Variants in PEAK1 observed in about 807,000 individuals in gnomAD.
PEAK1 encodes pseudopodium enriched atypical kinase 1, also known as inactive tyrosine-protein kinase PEAK1.
Under a neutral mutation model 124.7 loss-of-function variants are expected in PEAK1, and 54 were observed. That is an observed-to-expected ratio of 0.43 (90% CI 0.35 to 0.54). The LOEUF (loss-of-function observed/expected upper bound fraction) is 0.54. Ranked by LOEUF, PEAK1 falls within the 20% of genes least tolerant of loss-of-function variation. The pLI is 0.01. For synonymous variants in PEAK1, 719 were observed against 760.0 expected, an observed-to-expected ratio of 0.95 and a Z score of 0.89; for missense variants, 2,046 against 2,134.5, an observed-to-expected ratio of 0.96 and a Z score of 0.82.
rs2062937368 is a variant in PEAK1, at chr15:77,286,494, G to A, written c.-592C>T. On this transcript the variant is annotated 5_prime_UTR_variant, in exon 3 of 10. Coordinates refer to ENST00000682557, the MANE Select transcript of PEAK1 (RefSeq NM_001385026.1). ...TTCTTTCCTTACAAATGGATCTCAA[G>A]TATTCTTTTCCTATTAGAAGATGCA... 1 of 1,227,140 alleles carries A rather than the reference G, an allele frequency of 8.1e-7. No homozygotes were observed. Among genetic ancestry groups the A allele is most frequent in the Non-Finnish European group, 1.0e-6 (1 of 984,026 alleles). The allele number at this position is 1,227,140 out of a possible 1,614,324, so 76.0% of individuals were successfully genotyped here. A position where few individuals can be genotyped will look rare whatever the true frequency, so the allele number is the denominator to read the frequency against.
intron 1 of PEAK1, among the ~76,000 whole-genome samples, chr15:77,383,522 A>G (rs1597533623): frequency 6.6e-6 from 1 of 152,294 alleles, no homozygotes; most frequent in African/African-American, 2.4e-5. Flanking sequence ...AAATCTTCCC[A>G]CTAGGGATTC....
intron 2 of PEAK1, among the ~76,000 whole-genome samples, chr15:77,342,405 CTTTTTT>C (rs35640042): frequency 1.7e-5 from 2 of 114,378 alleles, no homozygotes; most frequent in Non-Finnish European, 3.8e-5. Context: ...TACAGCATGT[CTTTTTT>C]TTTTTTTTTT....
chr15:77,209,249 T>C (rs1184889130), intron 6 of PEAK1, among the ~76,000 whole-genome samples: 1 of 152,306 alleles, frequency 6.6e-6, no homozygotes, highest in South Asian at 2.1e-4. Context: ...GATTTCCATA[T>C]ATGTACCTTC....
At chr15:77,321,625 T>G (rs1446767167) in intron 2 of PEAK1, among the ~76,000 whole-genome samples, 4 of 152,208 alleles carry the variant, frequency 2.6e-5, no homozygotes, top group Non-Finnish European at 4.4e-5. Context: ...ACTCTGATGG[T>G]AGCTTCTTTT....
At chr15:77,176,038 TG>T (rs2056843889) in intron 7 of PEAK1, among the ~76,000 whole-genome samples, 1 of 150,194 alleles carries the variant, frequency 6.7e-6, no homozygotes, top group Non-Finnish European at 1.5e-5. Context: ...TACTCATAGA[TG>T]GGAATTGAAC....
chr15:77,414,693 T>G (rs781543819), intron 1 of PEAK1, among the ~76,000 whole-genome samples: 1 of 152,224 alleles, frequency 6.6e-6, no homozygotes, highest in Non-Finnish European at 1.5e-5. Context: ...ATAAGGTAAA[T>G]AACAAAATTG....
chr15:77,370,811 A>T, intron 1 of PEAK1: 1 of 860,408 alleles, frequency 1.2e-6, no homozygotes, highest in Non-Finnish European at 1.4e-6. Flanking sequence ...GCAGGCGGAT[A>T]ATGAGGTCAG....
intron 1 of PEAK1, chr15:77,403,796 A>T (rs902940947): frequency 8.9e-5 from 87 of 977,988 alleles, no homozygotes; most frequent in African/African-American, 3.7e-4. Flanking sequence ...AACTCAATTT[A>T]AAAAAAAGCT....
chr15:77,387,495 T>G (rs1257685890), intron 1 of PEAK1, among the ~76,000 whole-genome samples: 17 of 152,246 alleles, frequency 1.1e-4, no homozygotes, highest in Admixed American at 1.1e-3. Context: ...TCACAGCTGA[T>G]GCTTTCAACT....
At chr15:77,241,144 T>A (rs1028219809) in intron 6 of PEAK1, among the ~76,000 whole-genome samples, 1 of 152,190 alleles carries the variant, frequency 6.6e-6, no homozygotes. Flanking sequence ...CACAACCAAG[T>A]GCGGTTCATC....
intron 2 of PEAK1, among the ~76,000 whole-genome samples, chr15:77,291,395 A>G (rs573140519): frequency 6.6e-6 from 1 of 152,290 alleles, no homozygotes; most frequent in South Asian, 2.1e-4. Flanking sequence ...ACACATAAAC[A>G]CTATTATAAA....
chr15:77,205,958 C>T (rs547600061), intron 6 of PEAK1, among the ~76,000 whole-genome samples: 3 of 134,252 alleles, frequency 2.2e-5, no homozygotes, highest in South Asian at 2.7e-4. Flanking sequence ...GTATATCTCC[C>T]AATGCTATCC....
intron 1 of PEAK1, among the ~76,000 whole-genome samples, chr15:77,386,640 A>G (rs1004190024): frequency 6.6e-6 from 1 of 152,206 alleles, no homozygotes; most frequent in Non-Finnish European, 1.5e-5. Context: ...GTGGCATCAT[A>G]AAATGAGAGA....
chr15:77,158,024 C>T (rs1039927740), intron 8 of PEAK1: 10 of 155,184 alleles, frequency 6.4e-5, no homozygotes, highest in African/African-American at 2.4e-4. Flanking sequence ...TTCAGCAACA[C>T]TAAATGTTTG....
intron 8 of PEAK1, among the ~76,000 whole-genome samples, chr15:77,141,022 A>G (rs1424953441): frequency 6.6e-6 from 1 of 152,152 alleles, no homozygotes. Flanking sequence ...TCTACGTTGT[A>G]CAGGAGGTTC....
chr15:77,179,903 G>A lies in PEAK1; in HGVS notation c.2024C>T (p.Pro675Leu), dbSNP rs917614903. ...AGTGGTTTTGCTAGTGGTGTTATCA[G>A]GCACTTTGCTTTCTGTTTCTATTTC... is the stretch of plus-strand genomic sequence containing the variant. Reference protein sequence around the residue: ...YEEIETESKVPDNTTSKTTDC... With the variant: ...YEEIETESKVLDNTTSKTTDC... The change falls in exon 7 of 10, where the codon CCT becomes CTT. Residue 675 changes from proline (P) to leucine (L), a missense_variant. Pro to Leu is a moderately conservative substitution (Grantham distance 98). Transcript: ENST00000682557. The A allele has an allele frequency of 2.5e-6, 4 of 1,613,966 alleles. No homozygotes were observed. The highest frequency in any genetic ancestry group is 3.4e-6 in the Non-Finnish European group (4 of 1,180,002).
At chr15:77,281,367 C>T (rs1370110514) in intron 5 of PEAK1, among the ~76,000 whole-genome samples, 1 of 151,896 alleles carries the variant, frequency 6.6e-6, no homozygotes, top group Non-Finnish European at 1.5e-5. Context: ...TTTTTTTAAC[C>T]CTACATAGAA....
intron 7 of PEAK1, 80 bp from the exon 8 acceptor site, chr15:77,158,776 C>T (rs1000138683): frequency 2.9e-6 from 4 of 1,358,144 alleles, no homozygotes; most frequent in South Asian, 2.5e-5. Flanking sequence ...CATATACTTC[C>T]CATAAATGTA....
chr15:77,390,275 A>C (rs929393694), intron 1 of PEAK1, among the ~76,000 whole-genome samples: 1 of 152,226 alleles, frequency 6.6e-6, no homozygotes, highest in Admixed American at 6.5e-5. Context: ...AAGAGCAGGA[A>C]AGAGGGAGAA....
Sources: gnomAD v4.1 joint callset for allele counts (sites outside exome capture counted in the v4.1 genomes callset) on GRCh38, gnomAD v4.1.1 for gene constraint, MANE v1.5 for transcripts, NCBI Gene and HGNC (gene_info 2026-07-23, HGNC 2026-07-21) for gene names.